LOXL3: variants seen among roughly 807,000 people sequenced by gnomAD.
The protein encoded by LOXL3 is lysyl oxidase like 3, also known as lysyl oxidase homolog 3.
A neutral mutation model predicts 91.8 loss-of-function variants in LOXL3; 60 were observed. The ratio of observed to expected loss-of-function variants is 0.65; its 90% confidence interval spans 0.53 to 0.81. The LOEUF (loss-of-function observed/expected upper bound fraction) is 0.81. Among genes scored for constraint, LOXL3 ranks in the 30% least tolerant of loss-of-function variants. The pLI is 0.00. For synonymous variants in LOXL3, 355 were observed against 387.6 expected (o/e 0.92, Z 0.99); for missense variants, 874 against 1,000.4 (o/e 0.87, Z 1.70).
At chr2:74,550,714 C>A (rs1685079329) in intron 2 of LOXL3, among the ~76,000 whole-genome samples, 2 of 152,182 alleles carry the variant, frequency 1.3e-5, no homozygotes, top group East Asian at 1.9e-4. Flanking sequence ...ATTCTTAGAA[C>A]AGAGCTGCCA....
In LOXL3 at chr2:74,534,441, G is replaced by A; in HGVS notation, c.1824-10C>T. On this transcript the variant is annotated splice_polypyrimidine_tract_variant and intron_variant, in intron 10 of 13. Transcript: ENST00000264094. ...CATGCTGTGGTAATGCCTGTGGGGA[G>A]AAGGGAACTTCTGTTTCCTTCTCTG... 1 of 1,614,088 alleles carries A rather than the reference G, an allele frequency of 6.2e-7. No homozygotes were observed. Among genetic ancestry groups the A allele is most frequent in the South Asian group, 1.1e-5 (1 of 91,086 alleles).
Position 74,536,785 on chromosome 2 carries a change from A to T in LOXL3, c.836T>A (p.Val279Glu). 1 of 1,614,192 alleles carries T rather than the reference A, an allele frequency of 6.2e-7. No homozygotes were observed. The highest frequency in any genetic ancestry group is 8.5e-7 in the Non-Finnish European group (1 of 1,180,016). ...ARCPGGGPAV[V>E]SCVPGPVYAA... ...GTAGACAGGGCCTGGCACACAGCTC[A>T]CCACTGCAGGGCCCCCCCCAGGGCA... Residue 279 changes from valine to glutamate, a missense_variant, in exon 5 of 14, where the codon GTG (valine) becomes GAG (glutamate). Val to Glu is a moderately radical substitution (Grantham distance 121). Transcript: ENST00000264094. The surrounding 1 kb of genome is among the most constrained non-coding windows in gnomAD (Gnocchi z 4.5).
intron 13 of LOXL3, 49 bp from the exon 14 acceptor site, chr2:74,533,728 A>G (rs1007566292): frequency 6.4e-7 from 1 of 1,562,770 alleles, no homozygotes; most frequent in African/African-American, 1.4e-5. Flanking sequence ...AGAGGGAGGG[A>G]GATAGATGCA....
At chr2:74,543,415 CA>C (rs1164273237) in intron 4 of LOXL3, among the ~76,000 whole-genome samples, 6 of 146,420 alleles carry the variant, frequency 4.1e-5, no homozygotes, top group South Asian at 4.3e-4. Context: ...AATGTAGGTC[CA>C]AAAAAAAAAG....
chr2:74,555,497 A>C (rs755258932), upstream of LOXL3: 17 of 1,610,662 alleles, frequency 1.1e-5, no homozygotes, highest in Non-Finnish European at 1.3e-5. This position sits in a 1 kb window ranked among gnomAD's most constrained non-coding sequence, Gnocchi z 6.1. Context: ...TTACAGAGGC[A>C]GAGAAATGGG....
chr2:74,533,581 G>A lies in LOXL3; in HGVS notation c.*25C>T, dbSNP rs374000416. On this transcript the variant is annotated 3_prime_UTR_variant, in exon 14 of 14. Transcript: ENST00000264094. ...CAGACCCCTGCCATTAGGGGCCAGT[G>A]GTGGTTTGCAGAGGGCAGTGGCACT... 82 of 1,610,162 alleles carry A rather than the reference G, an allele frequency of 5.1e-5. No individual in the cohort carries two copies. The highest frequency in any genetic ancestry group is 6.5e-5 in the Non-Finnish European group (77 of 1,176,888).
chr2:74,536,023 G>A lies in LOXL3; in HGVS notation c.1221C>T (p.Asn407=). Residue 407 remains asparagine (N), a synonymous_variant, in exon 7 of 14, where the codon AAC becomes AAT. Transcript: ENST00000264094. The surrounding 1 kb of genome is among the most constrained non-coding windows in gnomAD (Gnocchi z 4.5). The part of the protein sequence containing the change: ...SHSQDAGVRC[N]LPYTGAETRI... ...TGGTCTCTGCCCCAGTGTAAGGTAG[G>A]TTGCACCGGACCCCGGCATCCTGGC... 1.3e-6 allele frequency: 2 copies of A among 1,593,898 alleles called. No homozygotes were observed. Among genetic ancestry groups the A allele is most frequent in the African/African-American group, 2.7e-5 (2 of 74,738 alleles).
At position 74,536,681 on chromosome 2, in the gene LOXL3, G is replaced by A. The variant is rs1469256581; in HGVS notation, c.912+28C>T. 1.2e-6 allele frequency: 2 copies of A among 1,607,246 alleles called. No individual in the cohort carries two copies. The highest frequency in any genetic ancestry group is 1.3e-5 in the African/African-American group (1 of 74,830). ...GCTAGGGGTTCTCCACCTGGGGTGG[G>A]AAAGGTCATAATCACTGTCTCACAC... On this transcript the variant is annotated intron_variant, in intron 5 of 13. Transcript: ENST00000264094. This position sits in a 1 kb window ranked among gnomAD's most constrained non-coding sequence, Gnocchi z 4.5.
chr2:74,552,270 C>T (rs1677062176), intron 2 of LOXL3, 52 bp downstream of exon 2: 2 of 1,527,136 alleles, frequency 1.3e-6, no homozygotes, highest in South Asian at 1.2e-5. Flanking sequence ...CCTTTCCCTG[C>T]ACTTTGGCCA....
intron 4 of LOXL3, among the ~76,000 whole-genome samples, chr2:74,546,752 T>G (rs1676614369): frequency 6.6e-6 from 1 of 152,222 alleles, no homozygotes; most frequent in Admixed American, 6.5e-5. Context: ...GTTTCGCTCT[T>G]GTTGCCCAGG....
intron 4 of LOXL3, among the ~76,000 whole-genome samples, chr2:74,546,224 C>A (rs982154006): frequency 6.6e-6 from 1 of 152,178 alleles, no homozygotes; most frequent in Non-Finnish European, 1.5e-5. Flanking sequence ...AAGACAATAA[C>A]CCCATAACCA....
At position 74,532,695 on chromosome 2, in the gene LOXL3, C is replaced by T; in HGVS notation, c.*911G>A. ...TGGTGTACTCATCCATAAAGTCATCCTGGGCTCCCCTGCACACCGGTGAGG... is the reference window on the plus strand; with the variant it reads ...TGGTGTACTCATCCATAAAGTCATCTTGGGCTCCCCTGCACACCGGTGAGG... On this transcript the variant is annotated 3_prime_UTR_variant, in exon 14 of 14. Coordinates refer to ENST00000264094, the MANE Select transcript of LOXL3 (RefSeq NM_032603.5). 6.2e-7 allele frequency: 1 copy of T among 1,613,852 alleles called. No individual in the cohort carries two copies. The highest frequency in any genetic ancestry group is 8.5e-7 in the Non-Finnish European group (1 of 1,179,950).
intron 13 of LOXL3, 64 bp downstream of exon 13, chr2:74,533,818 A>C (rs1675808460): frequency 6.7e-7 from 1 of 1,486,270 alleles, no homozygotes; most frequent in African/African-American, 1.4e-5. Flanking sequence ...AGCTATGGAA[A>C]AGAGAATGAA....
chr2:74,536,368 T>G lies in LOXL3; in HGVS notation c.1016A>C (p.His339Pro). The G allele has an allele frequency of 5.6e-6, 9 of 1,614,142 alleles. No homozygotes were observed. Among genetic ancestry groups the G allele is most frequent in the Non-Finnish European group, 6.8e-6 (8 of 1,180,020 alleles). Residue 339 changes from histidine to proline, a missense_variant, in exon 6 of 14, where the codon CAT becomes CCT. Coordinates refer to ENST00000264094, the MANE Select transcript of LOXL3 (RefSeq NM_032603.5). The surrounding 1 kb of genome is among the most constrained non-coding windows in gnomAD (Gnocchi z 4.5). ...CTCCCGACACACCACGCTGGCTGCATGCAGGTCCCACTTGCGGTCACAGAC... is the reference window on the plus strand; with the variant it reads ...CTCCCGACACACCACGCTGGCTGCAGGCAGGTCCCACTTGCGGTCACAGAC... ...GTVCDRKWDL[H>P]AASVVCRELG...
intron 4 of LOXL3, among the ~76,000 whole-genome samples, chr2:74,538,482 AC>A (rs1349904014): frequency 6.6e-6 from 1 of 152,140 alleles, no homozygotes; most frequent in African/African-American, 2.4e-5. Context: ...TATCAGGGAG[AC>A]TTTTAATGTG....
intron 3 of LOXL3, 23 bp downstream of exon 3, chr2:74,550,162 G>A: frequency 7.5e-6 from 12 of 1,607,338 alleles, no homozygotes; most frequent in Non-Finnish European, 1.0e-5. Context: ...TAGTGTGTGT[G>A]TGTATGTCTA....
intron 4 of LOXL3, among the ~76,000 whole-genome samples, chr2:74,537,452 T>G (rs1276308541): frequency 6.6e-6 from 1 of 152,144 alleles, no homozygotes; most frequent in Non-Finnish European, 1.5e-5. Flanking sequence ...GGCCAGAGAC[T>G]CTGCAGGACA....
At position 74,541,107 on chromosome 2, in the gene LOXL3, T is replaced by G. The variant is rs115517001; in HGVS notation, c.693-4179A>C. ...CATCTGTACTGAACACGTACCAACT[T>G]TTTTTCTTGTCATTATTCCCTAAGC... On this transcript the variant is annotated intron_variant, in intron 4 of 13. Transcript: ENST00000264094. Among the ~76,000 whole-genome samples, 1,056 of 152,348 alleles carry G rather than the reference T, an allele frequency of 6.9e-3. 16 individuals carry two copies. Among genetic ancestry groups the G allele is most frequent in the African/African-American group, 0.024 (1,011 of 41,586 alleles).
Position 74,533,197 on chromosome 2 carries a change from G to A in LOXL3, c.*409C>T. On this transcript the variant is annotated 3_prime_UTR_variant, in exon 14 of 14. Coordinates refer to ENST00000264094, the MANE Select transcript of LOXL3 (RefSeq NM_032603.5). ...GCAACATATTATAGTAAAAAATGAG[G>A]TGGGAGGGCTGGATCTTTTCCCCCA... 2 of 587,790 alleles carry A rather than the reference G, an allele frequency of 3.4e-6. No individual in the cohort carries two copies. Among genetic ancestry groups the A allele is most frequent in the Non-Finnish European group, 6.0e-6 (2 of 333,390 alleles). The allele number at this position is 587,790 out of a possible 1,614,324, so 36.4% of individuals were successfully genotyped here.
Sources: allele counts gnomAD v4.1 joint callset (sites outside exome capture counted in the v4.1 genomes callset), GRCh38; gene constraint gnomAD v4.1.1; non-coding constraint Gnocchi (gnomAD v3.1); transcripts MANE v1.5; gene names NCBI Gene and HGNC (gene_info 2026-07-23, HGNC 2026-07-21).